Variants in CELSR1 observed in about 807,000 individuals in gnomAD.
The protein encoded by CELSR1 is adhesion G protein-coupled receptor C1.
Under a neutral mutation model 249.1 loss-of-function variants are expected in CELSR1, and 110 were observed. The ratio of observed to expected loss-of-function variants is 0.44; its 90% CI spans 0.38 to 0.52. The LOEUF is 0.52. CELSR1 is among the 20% of genes least tolerant of loss of function. The pLI is 0.00. For missense variants in CELSR1, 4,109 were observed against 4,296.4 expected, an observed-to-expected ratio of 0.96 and a Z score of 1.22; for synonymous variants, 2,113 against 1,900.0, an observed-to-expected ratio of 1.11 and a Z score of -2.92.
rs750773769 is a variant in CELSR1 at position 46,367,776 on chromosome 22, C to T, written c.8032G>A (p.Asp2678Asn). The T allele has an allele frequency of 1.3e-4, 212 of 1,610,530 alleles. 1 individual carries two copies. Among genetic ancestry groups the T allele is most frequent in the Non-Finnish European group, 1.6e-4 (191 of 1,179,214 alleles). The part of the protein sequence containing the change: ...WLLGLLAVNR[D>N]ALSFHYLFAI... ...AAGAGGTAGTGAAAGCTCAGTGCAT[C>T]GCGGTTCACAGCCAGCAGCCCCAGC... is the stretch of plus-strand genomic sequence containing the variant. Residue 2678 changes from aspartate (D) to asparagine (N), a missense_variant, in exon 28 of 35, where the codon GAT becomes AAT. Physicochemically the swap from Asp to Asn is conservative, Grantham distance 23. Transcript: ENST00000674500.
rs895802825 is a variant in CELSR1 at position 46,430,162 on chromosome 22, C to T, written c.4611+3231G>A. On this transcript the variant is annotated intron_variant, in intron 5 of 34. Transcript: ENST00000674500. The surrounding 1 kb of genome is among the most constrained non-coding windows in gnomAD (Gnocchi z 4.6). ...GCAGGTGGCCCACACCTCAGAGACACAGCCACTCTGGAGGGCGGGGGACAG... is the reference window on the plus strand; with the variant it reads ...GCAGGTGGCCCACACCTCAGAGACATAGCCACTCTGGAGGGCGGGGGACAG... Among the ~76,000 whole-genome samples, 1 of 152,232 alleles carries T rather than the reference C, an allele frequency of 6.6e-6. No homozygotes were observed. Among genetic ancestry groups the T allele is most frequent in the South Asian group, 2.1e-4 (1 of 4,836 alleles).
rs550216008 is a variant in CELSR1, at chr22:46,377,090, C to G, written c.7555G>C (p.Val2519Leu). The G allele has an allele frequency of 2.4e-5, 38 of 1,613,308 alleles. No individual in the cohort carries two copies. Among genetic ancestry groups the G allele is most frequent in the Non-Finnish European group, 3.1e-5 (37 of 1,179,888 alleles). Residue 2519 changes from valine (V) to leucine (L), a missense_variant, in exon 24 of 35, where the codon GTG (valine) becomes CTG (leucine). This residue lies in a region of CELSR1 where 1,805 missense variants were observed against 1,831.6 expected (regional missense o/e 0.99). Transcript: ENST00000674500. ...TTTTCCGTCTGGTTGATCCCAATCA[C>G]GAACACCAGCTGAGAGAGGAAGAGC... Reference protein sequence around the residue: ...VALFLSQLVFVIGINQTENPF... With the variant: ...VALFLSQLVFLIGINQTENPF...
rs1185959282 is a variant in CELSR1 at position 46,464,443 on chromosome 22, G to A, written c.3545-98C>T. 15 of 1,317,438 alleles carry A rather than the reference G, an allele frequency of 1.1e-5. No individual in the cohort carries two copies. Among genetic ancestry groups the A allele is most frequent in the African/African-American group, 1.0e-4 (7 of 68,046 alleles). 81.6% of individuals were successfully genotyped at this position (1,317,438 alleles called of 1,614,324 possible). Reference sequence around the variant, plus strand: ...AGCAGCCTCAGGCATGCTTGGCAAAGGAGAAGAGAGCCTGGGCATCCCCAC... The same window carrying A: ...AGCAGCCTCAGGCATGCTTGGCAAAAGAGAAGAGAGCCTGGGCATCCCCAC... On this transcript the variant is annotated intron_variant, in intron 1 of 34. Coordinates refer to ENST00000674500, the MANE Select transcript of CELSR1 (RefSeq NM_001378328.1). The surrounding 1 kb of genome is among the most constrained non-coding windows in gnomAD (Gnocchi z 8.5).
At chr22:46,503,557 C>T (rs886386373) in intron 1 of CELSR1, among the ~76,000 whole-genome samples, 10 of 152,238 alleles carry the variant, frequency 6.6e-5, no homozygotes, top group African/African-American at 2.2e-4. Context: ...CCAAGAGGCC[C>T]GAGGCCGGAC....
rs1285314432 is a variant in CELSR1, at chr22:46,445,233, C to A, written c.4184-5822G>T. 2.0e-5 allele frequency among the ~76,000 whole-genome samples: 3 copies of A among 152,078 alleles called. No individual in the cohort carries two copies. The highest frequency in any genetic ancestry group is 4.4e-5 in the Non-Finnish European group (3 of 68,008). ...ATAAGGCTGGGTGTAGTGGCTCAGG[C>A]CTGTCATCCCAGCACTTTGGGAGGC... is the stretch of plus-strand genomic sequence containing the variant. On this transcript the variant is annotated intron_variant, in intron 2 of 34. Transcript: ENST00000674500. The surrounding 1 kb of genome is among the most constrained non-coding windows in gnomAD (Gnocchi z 4.4).
intron 1 of CELSR1, among the ~76,000 whole-genome samples, chr22:46,469,637 T>C (rs2147614142): frequency 6.6e-6 from 1 of 152,078 alleles, no homozygotes; most frequent in Admixed American, 6.6e-5. Context: ...TGCCTCAGTC[T>C]CCCAAGTAGC....
At chr22:46,497,758 C>T (rs2080427070) in intron 1 of CELSR1, among the ~76,000 whole-genome samples, 1 of 152,144 alleles carries the variant, frequency 6.6e-6, no homozygotes, top group Non-Finnish European at 1.5e-5. Context: ...TGGAGTAATC[C>T]TTAAACACAA....
intron 1 of CELSR1, among the ~76,000 whole-genome samples, chr22:46,511,353 C>A (rs1283292456): frequency 6.6e-6 from 1 of 152,212 alleles, no homozygotes; most frequent in Non-Finnish European, 1.5e-5. Context: ...TGGCTGCTCA[C>A]CACAGCCCAG....
chr22:46,391,168 C>T lies in CELSR1; in HGVS notation c.6250+18G>A, dbSNP rs200406273. ...GACGCCTGCCTCAGTTCCCTACACACAGGCCACGGCGACTCACCAACGGAT... is the reference window on the plus strand; with the variant it reads ...GACGCCTGCCTCAGTTCCCTACACATAGGCCACGGCGACTCACCAACGGAT... On this transcript the variant is annotated intron_variant, in intron 16 of 34. Coordinates refer to ENST00000674500, the MANE Select transcript of CELSR1 (RefSeq NM_001378328.1). This position sits in a 1 kb window ranked among gnomAD's most constrained non-coding sequence, Gnocchi z 4.3. 2.4e-5 allele frequency: 39 copies of T among 1,603,540 alleles called. No individual in the cohort carries two copies. The highest frequency in any genetic ancestry group is 1.6e-4 in the Middle Eastern group (1 of 6,062).
rs1486614842 is a variant in CELSR1, at chr22:46,512,966, A to G, written c.3544+20661T>C. On this transcript the variant is annotated intron_variant, in intron 1 of 34. Coordinates refer to ENST00000674500, the MANE Select transcript of CELSR1 (RefSeq NM_001378328.1). The surrounding 1 kb of genome is among the most constrained non-coding windows in gnomAD (Gnocchi z 5.2). ...GGCTGGGCCTCTGTGCTACTCACGC[A>G]CTGCTGCTGACCTCATCTGTCCAGT... is the stretch of plus-strand genomic sequence containing the variant. Among the ~76,000 whole-genome samples the G allele has an allele frequency of 6.6e-6, 1 of 152,194 alleles. No homozygotes were observed. The highest frequency in any genetic ancestry group is 2.4e-5 in the African/African-American group (1 of 41,430).
chr22:46,424,970 G>A (rs140043), intron 5 of CELSR1, among the ~76,000 whole-genome samples: 103,308 of 152,174 alleles, frequency 0.68, 35,527 homozygotes, highest in South Asian at 0.74. Context: ...AACTCTGTCT[G>A]AAAAGCAAAC....
intron 1 of CELSR1, among the ~76,000 whole-genome samples, chr22:46,532,492 T>C (rs1383031606): frequency 4.6e-5 from 7 of 152,226 alleles, no homozygotes; most frequent in Admixed American, 4.6e-4. Flanking sequence ...ACCCTTCCTA[T>C]ATTACAGAAT....
chr22:46,391,802 C>T lies in CELSR1; in HGVS notation c.5979G>A (p.Lys1993=), dbSNP rs139330118. The change falls in exon 15 of 35, where the codon AAG becomes AAA. Residue 1993 remains lysine, a synonymous_variant. Coordinates refer to ENST00000674500, the MANE Select transcript of CELSR1 (RefSeq NM_001378328.1). This position sits in a 1 kb window ranked among gnomAD's most constrained non-coding sequence, Gnocchi z 4.3. ...GQCQCKENYY[K]LLAQDTCLPC... ...GCAGACAGGTGTCCTGGGCTAGGAGCTTGTAGTAATTCTCCTGCAAAAGCC... is the reference window on the plus strand; with the variant it reads ...GCAGACAGGTGTCCTGGGCTAGGAGTTTGTAGTAATTCTCCTGCAAAAGCC... The T allele has an allele frequency of 9.3e-6, 15 of 1,609,930 alleles. No homozygotes were observed. The highest frequency in any genetic ancestry group is 1.2e-5 in the Non-Finnish European group (14 of 1,179,078).
chr22:46,362,916 T>G lies in CELSR1; in HGVS notation c.*307A>C. 1 of 508,826 alleles carries G rather than the reference T, an allele frequency of 2.0e-6. No individual in the cohort carries two copies. The highest frequency in any genetic ancestry group is 3.5e-6 in the Non-Finnish European group (1 of 285,080). The allele number at this position is 508,826 out of a possible 1,614,324, so 31.5% of individuals were successfully genotyped here. A position where few individuals can be genotyped will look rare whatever the true frequency, so the allele number is the denominator to read the frequency against. On this transcript the variant is annotated 3_prime_UTR_variant, in exon 35 of 35. Transcript: ENST00000674500. Reference sequence around the variant, plus strand: ...CTGGGGTCCCCTCTCAGTTCTGGCTTTGACTGCAGTCTTAGGACTCAGCGG... The same window carrying G: ...CTGGGGTCCCCTCTCAGTTCTGGCTGTGACTGCAGTCTTAGGACTCAGCGG...
chr22:46,364,188 C>A lies in CELSR1; in HGVS notation c.8843G>T (p.Gly2948Val), dbSNP rs201328106. ...GTCGGCCAGCTTCTCCCGGAGCCGGCCCTTCAGCGTCTGCTCCGTCAGCGT... is the reference window on the plus strand; with the variant it reads ...GTCGGCCAGCTTCTCCCGGAGCCGGACCTTCAGCGTCTGCTCCGTCAGCGT... ...PLTLTEQTLKGRLREKLADCE... is the reference protein window; with the variant it reads ...PLTLTEQTLKVRLREKLADCE... Residue 2948 changes from glycine (G) to valine (V), a missense_variant, in exon 34 of 35, where the codon GGC (glycine) becomes GTC (valine). This residue lies in a region of CELSR1 where 1,805 missense variants were observed against 1,831.6 expected (regional missense o/e 0.99). Transcript: ENST00000674500. 1.9e-6 allele frequency: 3 copies of A among 1,611,962 alleles called. No individual in the cohort carries two copies. Among genetic ancestry groups the A allele is most frequent in the Non-Finnish European group, 2.5e-6 (3 of 1,179,834 alleles).
intron 1 of CELSR1, among the ~76,000 whole-genome samples, chr22:46,520,593 T>C (rs2080675669): frequency 6.6e-6 from 1 of 152,054 alleles, no homozygotes; most frequent in Non-Finnish European, 1.5e-5. Context: ...CCTGAGTAGT[T>C]GGGATTACAG....
intron 5 of CELSR1, among the ~76,000 whole-genome samples, chr22:46,421,743 G>C (rs1048868078): frequency 6.6e-6 from 1 of 152,274 alleles, no homozygotes; most frequent in Non-Finnish European, 1.5e-5. Context: ...GGTAAGTAAA[G>C]GCAGTGGCCG....
intron 2 of CELSR1, among the ~76,000 whole-genome samples, chr22:46,451,586 T>G (rs1315086781): frequency 6.6e-6 from 1 of 152,052 alleles, no homozygotes; most frequent in East Asian, 1.9e-4. Context: ...TCCAGTAGCA[T>G]GCGGGCCCAG....
Position 46,363,401 on chromosome 22 carries a change from G to A in CELSR1, c.9036-154C>T. The A allele has an allele frequency of 3.2e-6, 2 of 624,264 alleles. No individual in the cohort carries two copies. Among genetic ancestry groups the A allele is most frequent in the South Asian group, 1.9e-5 (1 of 53,714 alleles). 38.7% of individuals were successfully genotyped at this position (624,264 alleles called of 1,614,324 possible). A position where few individuals can be genotyped will look rare whatever the true frequency, so the allele number is the denominator to read the frequency against. On this transcript the variant is annotated intron_variant, in intron 34 of 34. Coordinates refer to ENST00000674500, the MANE Select transcript of CELSR1 (RefSeq NM_001378328.1). The surrounding 1 kb of genome is among the most constrained non-coding windows in gnomAD (Gnocchi z 4.3). The stretch of plus-strand genomic sequence containing the variant: ...GGGAGGGCAAGCTCATGTTGGATGA[G>A]GCTGCCCTTGGGAGGCAGGAGAGGG...
Sources: gnomAD v4.1 joint callset for allele counts (sites outside exome capture counted in the v4.1 genomes callset) on GRCh38, gnomAD v4.1.1 for gene constraint, gnomAD v4.1.1 regional missense constraint, Gnocchi (gnomAD v3.1) non-coding constraint, MANE v1.5 for transcripts, NCBI Gene and HGNC (gene_info 2026-07-23, HGNC 2026-07-21) for gene names.